SGCD: variants seen among roughly 807,000 people sequenced by gnomAD.
SGCD encodes delta-sarcoglycan.
Under a neutral mutation model 36.6 loss-of-function variants are expected in SGCD, and 18 were observed. The ratio of observed to expected loss-of-function variants is 0.49; its 90% CI spans 0.34 to 0.73. SGCD has a LOEUF of 0.73. Ranked by LOEUF, SGCD falls within the 30% of genes least tolerant of loss-of-function variation. The pLI is 0.01. For synonymous variants in SGCD, 133 were observed against 130.6 expected (o/e 1.02, Z -0.12); for missense variants, 387 against 346.7 (o/e 1.12, Z -0.92).
rs552345246 is a variant in SGCD at position 156,264,504 on chromosome 5, T to C, written c.-43-65030T>C. 2.0e-5 allele frequency among the ~76,000 whole-genome samples: 3 copies of C among 152,294 alleles called. No individual in the cohort carries two copies. In the East Asian group the frequency reaches 5.8e-4, roughly 29 times the overall value. Reference sequence around the variant, plus strand: ...TAATATCAAAGTCATTGGCATAAGATATTCCTGAGTTCAAATTCCAATGCT... The same window carrying C: ...TAATATCAAAGTCATTGGCATAAGACATTCCTGAGTTCAAATTCCAATGCT... On this transcript the variant is annotated intron_variant, in intron 3 of 9. Coordinates refer to the SGCD transcript ENST00000517913.
intron 7 of SGCD, among the ~76,000 whole-genome samples, chr5:156,717,193 C>T (rs527303529): frequency 6.6e-6 from 1 of 152,284 alleles, no homozygotes; most frequent in South Asian, 2.1e-4. Flanking sequence ...GGTCACTTTA[C>T]ATAGGATGCC....
At chr5:155,972,842 T>A (rs1758034020) in intron 1 of SGCD, among the ~76,000 whole-genome samples, 1 of 152,186 alleles carries the variant, frequency 6.6e-6, no homozygotes, top group Non-Finnish European at 1.5e-5. Context: ...TCTTTTCATA[T>A]GACTGTCATT....
At chr5:156,110,410 A>G (rs1761754604) in intron 1 of SGCD, among the ~76,000 whole-genome samples, 1 of 151,990 alleles carries the variant, frequency 6.6e-6, no homozygotes, top group South Asian at 2.1e-4. Context: ...ACTTATTTGT[A>G]TTGGGTTCGG....
chr5:156,602,837 G>C (rs1349077916), intron 6 of SGCD, among the ~76,000 whole-genome samples: 2 of 152,100 alleles, frequency 1.3e-5, no homozygotes, highest in Admixed American at 1.3e-4. Flanking sequence ...GTTAAATTCA[G>C]TCAGTTAATA....
intron 1 of SGCD, among the ~76,000 whole-genome samples, chr5:156,006,481 T>C (rs891832232): frequency 5.3e-5 from 8 of 152,208 alleles, no homozygotes; most frequent in African/African-American, 1.4e-4. Context: ...TAAACCTCTC[T>C]TCCTCCCAGG....
intron 3 of SGCD, among the ~76,000 whole-genome samples, chr5:156,184,429 C>G (rs937367432): frequency 2.0e-5 from 3 of 148,822 alleles, no homozygotes; most frequent in Non-Finnish European, 3.0e-5. Context: ...TAAATATATG[C>G]AAATAGTACT....
chr5:156,093,273 G>A (rs752058), intron 1 of SGCD, among the ~76,000 whole-genome samples: 24,876 of 152,102 alleles, frequency 0.16, 3,230 homozygotes, highest in East Asian at 0.46. Flanking sequence ...ATATGTAGTG[G>A]TGGGCTTTTG....
chr5:156,024,013 G>A (rs1397465011), intron 1 of SGCD, among the ~76,000 whole-genome samples: 1 of 152,172 alleles, frequency 6.6e-6, no homozygotes, highest in African/African-American at 2.4e-5. Flanking sequence ...CAGTTCTCCT[G>A]TGGTTTGCTG....
At chr5:156,748,223 G>C (rs1379252625) in intron 7 of SGCD, among the ~76,000 whole-genome samples, 1 of 152,212 alleles carries the variant, frequency 6.6e-6, no homozygotes, top group African/African-American at 2.4e-5. Context: ...AGGGTGGTGG[G>C]TGTGAATGCA....
intron 1 of SGCD, among the ~76,000 whole-genome samples, chr5:155,946,771 A>G (rs546797576): frequency 6.6e-6 from 1 of 152,204 alleles, no homozygotes; most frequent in Non-Finnish European, 1.5e-5. Context: ...AACCAGCTGG[A>G]TCACTGAGAC....
At chr5:156,390,390 A>G (rs953317870) in intron 3 of SGCD, among the ~76,000 whole-genome samples, 2 of 152,198 alleles carry the variant, frequency 1.3e-5, no homozygotes, top group African/African-American at 4.8e-5. Context: ...GACCCTGTGT[A>G]GCCCTAGGCT....
chr5:156,574,332 TA>T (rs1307847437), intron 4 of SGCD, among the ~76,000 whole-genome samples: 1 of 152,188 alleles, frequency 6.6e-6, no homozygotes, highest in African/African-American at 2.4e-5. Context: ...ATTAACCCCC[TA>T]TTTAAAAATA....
intron 1 of SGCD, among the ~76,000 whole-genome samples, chr5:155,934,794 T>TG (rs1159858337): frequency 2.6e-5 from 4 of 152,160 alleles, no homozygotes; most frequent in Admixed American, 1.3e-4. Flanking sequence ...ATTTTTAGAA[T>TG]GGGGGGCCAT....
chr5:156,353,806 A>G (rs1224670286), intron 3 of SGCD, among the ~76,000 whole-genome samples: 1 of 152,238 alleles, frequency 6.6e-6, no homozygotes, highest in Non-Finnish European at 1.5e-5. Context: ...ACAAAAAACA[A>G]AAATTTATTT....
chr5:156,505,310 A>C (rs956906736), intron 3 of SGCD, among the ~76,000 whole-genome samples: 2 of 152,194 alleles, frequency 1.3e-5, no homozygotes, highest in African/African-American at 4.8e-5. Context: ...CAGAATAGAA[A>C]TATACAGATG....
chr5:156,216,001 C>T (rs1478576040), intron 3 of SGCD, among the ~76,000 whole-genome samples: 1 of 152,080 alleles, frequency 6.6e-6, no homozygotes, highest in Admixed American at 6.5e-5. Context: ...AGTATTTAGC[C>T]TTAAAAAAGA....
chr5:156,391,427 T>A (rs896911062), intron 3 of SGCD, among the ~76,000 whole-genome samples: 5 of 152,148 alleles, frequency 3.3e-5, no homozygotes, highest in African/African-American at 1.2e-4. Context: ...TATCTGTGGG[T>A]TTCCCGTCTG....
At chr5:156,107,261 G>T (rs558609561) in intron 1 of SGCD, among the ~76,000 whole-genome samples, 1 of 152,196 alleles carries the variant, frequency 6.6e-6, no homozygotes, top group Admixed American at 6.5e-5. Flanking sequence ...AATTTACCTT[G>T]GAATAAGTCT....
At chr5:156,647,010 T>A (rs1763251883) in intron 6 of SGCD, among the ~76,000 whole-genome samples, 1 of 152,180 alleles carries the variant, frequency 6.6e-6, no homozygotes, top group African/African-American at 2.4e-5. Context: ...TGCTAGTCAT[T>A]AGGCAAATAC....
Sources: gnomAD v4.1 joint callset for allele counts (sites outside exome capture counted in the v4.1 genomes callset) on GRCh38, gnomAD v4.1.1 for gene constraint, MANE v1.5 for transcripts, NCBI Gene and HGNC (gene_info 2026-07-23, HGNC 2026-07-21) for gene names.